HNRNPM: variants seen among roughly 807,000 people sequenced by gnomAD.
The protein encoded by HNRNPM is CEA receptor.
HNRNPM carries 11 observed loss-of-function variants against 73.1 expected under a neutral mutation model. The ratio of observed to expected loss-of-function variants is 0.15; its 90% CI spans 0.09 to 0.25. The LOEUF (loss-of-function observed/expected upper bound fraction) is 0.25. HNRNPM is among the 10% of genes least tolerant of loss of function. The probability of loss-of-function intolerance (pLI) is 1.00; values close to 1 mark genes in which losing one functional copy is unlikely to be tolerated. For synonymous variants in HNRNPM, 407 were observed against 355.2 expected, an observed-to-expected ratio of 1.15 and a Z score of -1.64; for missense variants, 789 against 1,067.9, an observed-to-expected ratio of 0.74 and a Z score of 3.64.
At chr19:8,476,549 C>T (rs756222655) in intron 12 of HNRNPM, among the ~76,000 whole-genome samples, 2 of 130,762 alleles carry the variant, frequency 1.5e-5, no homozygotes, top group African/African-American at 2.7e-5. Flanking sequence ...GTAATCCCAG[C>T]GCATTGAGAT....
In HNRNPM at chr19:8,445,347, C is replaced by T. The variant is rs563972180; in HGVS notation, c.113+236C>T. 1.5e-3 allele frequency: 591 copies of T among 383,358 alleles called. 2 individuals are homozygous for T. The highest frequency in any genetic ancestry group is 7.4e-3 in the Middle Eastern group (11 of 1,488). The allele number at this position is 383,358 out of a possible 1,614,324, so 23.7% of individuals were successfully genotyped here. A position where few individuals can be genotyped will look rare whatever the true frequency, so the allele number is the denominator to read the frequency against. ...CTCGCCACCCTCAGTCCCTCCAGGC[C>T]GGGGCCAACCCCGTAGTCGAGGCCT... is the stretch of plus-strand genomic sequence containing the variant. On this transcript the variant is annotated intron_variant, in intron 1 of 15. Transcript: ENST00000325495.
intron 9 of HNRNPM, 50 bp downstream of exon 9, chr19:8,468,884 A>C: frequency 7.1e-7 from 1 of 1,408,848 alleles, no homozygotes; most frequent in Non-Finnish European, 1.0e-6. Context: ...AGTTACACTA[A>C]TAAACAGAAA....
chr19:8,474,114 C>A, intron 11 of HNRNPM, 53 bp from the exon 12 acceptor site: 1 of 1,306,444 alleles, frequency 7.7e-7, no homozygotes, highest in Non-Finnish European at 1.1e-6. Flanking sequence ...TCTTTCCCTG[C>A]TTAGTCTAAG....
intron 1 of HNRNPM, among the ~76,000 whole-genome samples, chr19:8,451,548 C>T (rs1181672754): frequency 6.6e-6 from 1 of 151,968 alleles, no homozygotes; most frequent in East Asian, 1.9e-4. Context: ...CTTCCCCTTC[C>T]CTTGCCGAGA....
chr19:8,487,552 C>T (rs942808281), intron 15 of HNRNPM: 1 of 163,632 alleles, frequency 6.1e-6, no homozygotes, highest in East Asian at 1.8e-4. Context: ...GGTTTCCTGG[C>T]ACATCGGGCA....
At chr19:8,467,459 G>A in intron 7 of HNRNPM, 76 bp from the exon 8 acceptor site, 2 of 1,018,692 alleles carry the variant, frequency 2.0e-6, no homozygotes, top group Non-Finnish European at 1.6e-6. Flanking sequence ...AGCAGTTGGA[G>A]TATTTTTCTT....
chr19:8,447,825 G>C (rs898591472), intron 1 of HNRNPM, among the ~76,000 whole-genome samples: 3 of 152,322 alleles, frequency 2.0e-5, no homozygotes, highest in Non-Finnish European at 2.9e-5. Flanking sequence ...AGGAGATAGA[G>C]ACCATCCTGG....
intron 7 of HNRNPM, among the ~76,000 whole-genome samples, chr19:8,466,604 G>A (rs985083116): frequency 2.0e-5 from 3 of 152,018 alleles, no homozygotes; most frequent in African/African-American, 7.2e-5. Flanking sequence ...AAGGCGGGCG[G>A]ATCACTTGAG....
At chr19:8,486,993 G>A (rs1021631429) in intron 14 of HNRNPM, 31 bp from the exon 15 acceptor site, 6 of 1,586,918 alleles carry the variant, frequency 3.8e-6, no homozygotes, top group African/African-American at 1.3e-5. Context: ...GTTTAATCAC[G>A]CATCAGTCTC....
chr19:8,482,129 T>C lies in HNRNPM; in HGVS notation c.1121-1029T>C, dbSNP rs138419980. Among the ~76,000 whole-genome samples, 76 of 152,260 alleles carry C rather than the reference T, an allele frequency of 5.0e-4. 1 individual carries two copies. In the East Asian group the frequency reaches 0.014, roughly 29 times the overall value. The stretch of plus-strand genomic sequence containing the variant: ...CTGGGATTACAGGCACCTGCCATCA[T>C]ACCCGGCTAATTTTTAGTAGAGACG... On this transcript the variant is annotated intron_variant, in intron 12 of 15. Coordinates refer to ENST00000325495, the MANE Select transcript of HNRNPM (RefSeq NM_005968.5).
rs1288316829 is a variant in HNRNPM, at chr19:8,486,134, A to G, written c.1706A>G (p.Glu569Gly). The G allele has an allele frequency of 1.9e-6, 3 of 1,603,534 alleles. No homozygotes were observed. The highest frequency in any genetic ancestry group is 2.5e-6 in the Non-Finnish European group (3 of 1,178,486). The part of the protein sequence containing the change: ...GANNLERMGL[E>G]RMGANSLERM... ...AACAATCTGGAGCGGATGGGCCTGG[A>G]GCGCATGGGCGCCAACAGCCTCGAG... The change falls in exon 14 of 16, where the codon GAG becomes GGG. Residue 569 changes from glutamate to glycine, a missense_variant. Glu to Gly is a moderately conservative substitution (Grantham distance 98). Transcript: ENST00000325495.
chr19:8,456,300 C>T (rs1304068586), intron 2 of HNRNPM, among the ~76,000 whole-genome samples: 2 of 152,194 alleles, frequency 1.3e-5, no homozygotes, highest in Admixed American at 1.3e-4. Flanking sequence ...CACCCCCGTG[C>T]ACACTGTGGT....
At chr19:8,451,096 G>T (rs1268578180) in intron 1 of HNRNPM, among the ~76,000 whole-genome samples, 1 of 151,912 alleles carries the variant, frequency 6.6e-6, no homozygotes, top group South Asian at 2.1e-4. Flanking sequence ...TAGTAGAGAC[G>T]GGGTTTCACC....
chr19:8,479,518 G>T (rs1970752916), intron 12 of HNRNPM, among the ~76,000 whole-genome samples: 1 of 152,092 alleles, frequency 6.6e-6, no homozygotes, highest in East Asian at 1.9e-4. Flanking sequence ...CTGGGCTGGA[G>T]TACAGTGGGT....
Position 8,445,022 on chromosome 19 carries a change from G to C in HNRNPM, c.24G>C (p.Ala8=). The C allele has an allele frequency of 2.1e-6, 3 of 1,422,444 alleles. No individual in the cohort carries two copies. Among genetic ancestry groups the C allele is most frequent in the Non-Finnish European group, 2.8e-6 (3 of 1,090,848 alleles). 88.1% of individuals were successfully genotyped at this position (1,422,444 alleles called of 1,614,324 possible). A position where few individuals can be genotyped will look rare whatever the true frequency, so the allele number is the denominator to read the frequency against. Residue 8 remains alanine (A), a synonymous_variant, in exon 1 of 16, where the codon GCG becomes GCC. Coordinates refer to ENST00000325495, the MANE Select transcript of HNRNPM (RefSeq NM_005968.5). ...AAATGGCGGCAGGGGTCGAAGCGGC[G>C]GCGGAGGTGGCGGCGACGGAGATCA... MAAGVEA[A]AEVAATEIKM...
chr19:8,454,823 A>G (rs1968890681), intron 1 of HNRNPM, among the ~76,000 whole-genome samples: 1 of 151,900 alleles, frequency 6.6e-6, no homozygotes, highest in African/African-American at 2.4e-5. Context: ...TGGAATTAAC[A>G]CACCTTGGTC....
At chr19:8,468,052 C>T (rs1235445366) in intron 8 of HNRNPM, among the ~76,000 whole-genome samples, 1 of 151,496 alleles carries the variant, frequency 6.6e-6, no homozygotes. Flanking sequence ...GAAAAAAAAA[C>T]ATTTTGCTCA....
In HNRNPM at chr19:8,480,709, T is replaced by G. The variant is rs566879411; in HGVS notation, c.1121-2449T>G. ...GCATCTTTACTTCTGTAGGAACTTTTTCTTGCTAAGAGCCTTCAGCTTCTT... is the reference window on the plus strand; with the variant it reads ...GCATCTTTACTTCTGTAGGAACTTTGTCTTGCTAAGAGCCTTCAGCTTCTT... On this transcript the variant is annotated intron_variant, in intron 12 of 15. Coordinates refer to ENST00000325495, the MANE Select transcript of HNRNPM (RefSeq NM_005968.5). Among the ~76,000 whole-genome samples, 295 of 152,236 alleles carry G rather than the reference T, an allele frequency of 1.9e-3. 1 individual carries two copies. Among genetic ancestry groups the G allele is most frequent in the African/African-American group, 6.9e-3 (287 of 41,550 alleles).
chr19:8,472,957 T>G (rs981226163), intron 10 of HNRNPM, among the ~76,000 whole-genome samples: 1 of 152,200 alleles, frequency 6.6e-6, no homozygotes, highest in Non-Finnish European at 1.5e-5. Context: ...ATAGAATGTG[T>G]CTTATAATTC....
Sources: gnomAD v4.1 joint callset for allele counts (sites outside exome capture counted in the v4.1 genomes callset) on GRCh38, gnomAD v4.1.1 for gene constraint, MANE v1.5 for transcripts, NCBI Gene and HGNC (gene_info 2026-07-23, HGNC 2026-07-21) for gene names.